Variants in SFMBT1 observed in about 807,000 individuals in gnomAD.
SFMBT1 encodes scm-like with four MBT domains protein 1.
Under a neutral mutation model 108.7 loss-of-function variants are expected in SFMBT1, and 32 were observed. That is an observed-to-expected ratio of 0.29 (90% CI 0.22 to 0.40). The LOEUF is 0.40. Among genes scored for constraint, SFMBT1 ranks in the 10% least tolerant of loss-of-function variants. The pLI, the probability that SFMBT1 is intolerant of heterozygous loss-of-function variation, is 1.00. For missense variants in SFMBT1, 816 were observed against 1,059.6 expected, an observed-to-expected ratio of 0.77 and a Z score of 3.19; for synonymous variants, 348 against 369.5, an observed-to-expected ratio of 0.94 and a Z score of 0.67.
intron 1 of SFMBT1, among the ~76,000 whole-genome samples, chr3:52,997,597 A>G (rs948244234): frequency 2.0e-5 from 3 of 150,606 alleles, no homozygotes; most frequent in Non-Finnish European, 3.0e-5. Flanking sequence ...ACATGCAATA[A>G]CAAGGATAAA....
chr3:52,977,184 C>A (rs1295248444), intron 1 of SFMBT1, among the ~76,000 whole-genome samples: 1 of 152,152 alleles, frequency 6.6e-6, no homozygotes, highest in Non-Finnish European at 1.5e-5. Context: ...GTAGCAAGAA[C>A]CAAAATGTTT....
chr3:52,926,166 C>G, intron 9 of SFMBT1, 53 bp from the exon 10 acceptor site: 1 of 1,509,218 alleles, frequency 6.6e-7, no homozygotes. Context: ...CATACGCCTG[C>G]CTGGCTTCAC....
intron 1 of SFMBT1, among the ~76,000 whole-genome samples, chr3:52,977,333 A>T (rs1236446174): frequency 6.6e-6 from 1 of 151,996 alleles, no homozygotes; most frequent in African/African-American, 2.4e-5. Flanking sequence ...ACATGGTGAA[A>T]CCCAGTTTCT....
intron 13 of SFMBT1, among the ~76,000 whole-genome samples, chr3:52,917,061 G>T (rs990008625): frequency 6.6e-6 from 1 of 151,778 alleles, no homozygotes; most frequent in African/African-American, 2.4e-5. Context: ...TAAAGCTTTG[G>T]ATCAGTTTTG....
intron 3 of SFMBT1, among the ~76,000 whole-genome samples, chr3:52,944,820 C>T (rs906134641): frequency 4.6e-5 from 7 of 151,978 alleles, no homozygotes; most frequent in African/African-American, 1.7e-4. Context: ...CAGGCCCGGC[C>T]TCTTTTTTAT....
intron 4 of SFMBT1, 146 bp downstream of exon 4, chr3:52,943,207 C>T (rs1359393221): frequency 1.1e-6 from 1 of 943,262 alleles, no homozygotes; most frequent in African/African-American, 1.7e-5. Flanking sequence ...TGTATTATTC[C>T]TTATAAATAT....
At chr3:52,960,882 A>T (rs1703938905) in intron 2 of SFMBT1, among the ~76,000 whole-genome samples, 1 of 152,208 alleles carries the variant, frequency 6.6e-6, no homozygotes, top group South Asian at 2.1e-4. Flanking sequence ...CATGCCTGTA[A>T]TCCCAACACT....
At position 52,913,481 on chromosome 3, in the gene SFMBT1, T is replaced by C; in HGVS notation, c.1617A>G (p.Arg539=). Reference sequence around the variant, plus strand: ...TTGCTCTAGGCCAGAACCTTACCTCTCTAAGGACCAGAACACAGTTCCCAG... The same window carrying C: ...TTGCTCTAGGCCAGAACCTTACCTCCCTAAGGACCAGAACACAGTTCCCAG... The part of the protein sequence containing the change: ...VGPGNCVLVL[R]EVLTLLINAA... The change falls in exon 15 of 21, where the codon AGA becomes AGG. Residue 539 remains arginine (R), a synonymous_variant. Transcript: ENST00000394752. The C allele has an allele frequency of 6.2e-7, 1 of 1,612,916 alleles. No homozygotes were observed. Among genetic ancestry groups the C allele is most frequent in the Non-Finnish European group, 8.5e-7 (1 of 1,179,668 alleles).
At chr3:53,039,850 A>G (rs1240154408) in intron 1 of SFMBT1, among the ~76,000 whole-genome samples, 1 of 152,134 alleles carries the variant, frequency 6.6e-6, no homozygotes. Context: ...TCCAGGATAC[A>G]TGTGCAGGAT....
At chr3:53,041,698 CAAAAAAAAAAAAAAAAAAAAAA>C (rs59502728) in intron 1 of SFMBT1, among the ~76,000 whole-genome samples, 1 of 44,116 alleles carries the variant, frequency 2.3e-5, no homozygotes, top group Non-Finnish European at 4.0e-5. Context: ...AAGTCTGTCT[CAAAAAAAAAAAAAAAAAAAAAA>C]AAAAAAAAAA....
At chr3:52,934,430 CAA>C (rs34039062) in intron 5 of SFMBT1, among the ~76,000 whole-genome samples, 214 of 114,264 alleles carry the variant, frequency 1.9e-3, no homozygotes, top group Middle Eastern at 8.5e-3. Context: ...GTGTTCCAAG[CAA>C]AAAAAAAAAA....
At chr3:53,018,009 G>C (rs947309849) in intron 1 of SFMBT1, 2 of 152,280 alleles carry the variant, frequency 1.3e-5, no homozygotes, top group African/African-American at 4.8e-5. Flanking sequence ...GAGGCGGGTG[G>C]ATCATGAGGT....
At chr3:52,982,311 C>T (rs982962142) in intron 1 of SFMBT1, among the ~76,000 whole-genome samples, 1 of 152,174 alleles carries the variant, frequency 6.6e-6, no homozygotes, top group African/African-American at 2.4e-5. Context: ...AAACAATAGA[C>T]TCCTGCTAGA....
Position 52,911,051 on chromosome 3 carries a change from G to A in SFMBT1, c.1858C>T (p.Leu620=), listed in dbSNP as rs1054034569. The A allele has an allele frequency of 9.9e-6, 16 of 1,614,062 alleles. No homozygotes were observed. The highest frequency in any genetic ancestry group is 1.3e-5 in the African/African-American group (1 of 74,936). The change falls in exon 17 of 21, where the codon CTG becomes TTG. Residue 620 remains leucine, a synonymous_variant. Coordinates refer to ENST00000394752, the MANE Select transcript of SFMBT1 (RefSeq NM_016329.4). ...GAACAGTTCTCAGAACACTTATCCA[G>A]AACCATCCGTGGACCGAAGAGGTTA... ...CPNLFGPRMV[L]DKCSENCSVL...
rs916770770 is a variant in SFMBT1 at position 52,997,593 on chromosome 3, A to G, written c.-130-28335T>C. Among the ~76,000 whole-genome samples the G allele has an allele frequency of 1.3e-5, 2 of 150,552 alleles. 1 individual carries two copies. The highest frequency in any genetic ancestry group is 6.4e-3 in the Middle Eastern group (2 of 314). On this transcript the variant is annotated intron_variant, in intron 1 of 20. Coordinates refer to ENST00000394752, the MANE Select transcript of SFMBT1 (RefSeq NM_016329.4). ...ATAAAAACAAACTACTGATACATGC[A>G]ATAACAAGGATAAATCTCAAAAACT...
intron 1 of SFMBT1, among the ~76,000 whole-genome samples, chr3:52,983,283 T>C (rs1342096475): frequency 6.6e-6 from 1 of 152,216 alleles, no homozygotes; most frequent in African/African-American, 2.4e-5. Context: ...CTCTTCCTTA[T>C]GATTTTCTTT....
At chr3:52,920,409 C>T (rs1037182522) in intron 12 of SFMBT1, 128 bp downstream of exon 12, 1 of 721,056 alleles carries the variant, frequency 1.4e-6, no homozygotes, top group Non-Finnish European at 2.4e-6. Flanking sequence ...TAAATAATTT[C>T]CTATGCAGGA....
At chr3:52,922,877 C>G (rs939915623) in intron 10 of SFMBT1, among the ~76,000 whole-genome samples, 14 of 152,082 alleles carry the variant, frequency 9.2e-5, no homozygotes, top group African/African-American at 3.4e-4. Flanking sequence ...GCTGAGAGGC[C>G]CAGCCCTCCG....
chr3:52,907,521 T>G, intron 18 of SFMBT1, 34 bp downstream of exon 18: 1 of 1,595,140 alleles, frequency 6.3e-7, no homozygotes, highest in Non-Finnish European at 8.5e-7. Context: ...TCACTTGGCT[T>G]CAAGACATTA....
Sources: gnomAD v4.1 joint callset for allele counts (sites outside exome capture counted in the v4.1 genomes callset) on GRCh38, gnomAD v4.1.1 for gene constraint, MANE v1.5 for transcripts, NCBI Gene and HGNC (gene_info 2026-07-23, HGNC 2026-07-21) for gene names.